The following LRFN2 variants were observed in gnomAD, a reference collection of about 807,000 sequenced individuals.
LRFN2 encodes the protein leucine rich repeat and fibronectin type III domain containing 2, also known as leucine-rich repeat and fibronectin type-III domain-containing protein 2.
Under a neutral mutation model 37.3 loss-of-function variants are expected in LRFN2, and 18 were observed. The ratio of observed to expected loss-of-function variants is 0.48; its 90% CI spans 0.33 to 0.72. LRFN2 has a LOEUF of 0.72. Among genes scored for constraint, LRFN2 ranks in the 30% least tolerant of loss-of-function variants. The pLI is 0.02. For missense variants in LRFN2, 1,006 were observed against 1,060.7 expected (o/e 0.95, Z 0.72); for synonymous variants, 556 against 466.6 (o/e 1.19, Z -2.47).
In LRFN2 at chr6:40,448,312, A is replaced by G. The variant is rs1253115893; in HGVS notation, c.-18-15181T>C. 2.0e-5 allele frequency among the ~76,000 whole-genome samples: 3 copies of G among 152,078 alleles called. No homozygotes were observed. In the East Asian group the frequency reaches 5.8e-4, roughly 29 times the overall value. ...CCTGGGTTTGGTGCACCCATCAAGC[A>G]CGTGCTCCCCTCCAGACCCCACCTC... On this transcript the variant is annotated intron_variant, in intron 1 of 2. Transcript: ENST00000338305.
At chr6:40,405,536 TG>T (rs1473898287) in intron 2 of LRFN2, among the ~76,000 whole-genome samples, 11 of 152,066 alleles carry the variant, frequency 7.2e-5, no homozygotes, top group African/African-American at 2.7e-4. Flanking sequence ...CATAAAGGAG[TG>T]GGCCATGCTT....
intron 1 of LRFN2, among the ~76,000 whole-genome samples, chr6:40,470,803 C>T (rs930313992): frequency 3.3e-5 from 5 of 152,184 alleles, no homozygotes; most frequent in African/African-American, 1.2e-4. Context: ...AACACAGGCA[C>T]CTGCTGGGCC....
chr6:40,571,970 G>A (rs1572889), intron 1 of LRFN2, among the ~76,000 whole-genome samples: 82,263 of 151,922 alleles, frequency 0.54, 23,192 homozygotes, highest in African/African-American at 0.69. Context: ...CAGAGCACAG[G>A]GTCTCCAAAA....
chr6:40,572,962 C>T (rs1300951773), intron 1 of LRFN2, among the ~76,000 whole-genome samples: 2 of 152,226 alleles, frequency 1.3e-5, no homozygotes, highest in Non-Finnish European at 1.5e-5. Flanking sequence ...CCATGTCCTG[C>T]CAAACCTGCT....
At chr6:40,523,718 C>T (rs1265172661) in intron 1 of LRFN2, 1 of 152,126 alleles carries the variant, frequency 6.6e-6, no homozygotes, top group Non-Finnish European at 1.5e-5. Flanking sequence ...ACACATGAAG[C>T]TTGCTATGAA....
At chr6:40,549,348 C>T (rs898340908) in intron 1 of LRFN2, among the ~76,000 whole-genome samples, 1 of 152,122 alleles carries the variant, frequency 6.6e-6, no homozygotes, top group Non-Finnish European at 1.5e-5. Flanking sequence ...CATGCAGTGA[C>T]AAGGAGGGTG....
At chr6:40,571,011 C>T (rs1767176921) in intron 1 of LRFN2, among the ~76,000 whole-genome samples, 1 of 152,170 alleles carries the variant, frequency 6.6e-6, no homozygotes, top group African/African-American at 2.4e-5. Flanking sequence ...CTTAATGGGG[C>T]CATTCAAGAG....
intron 2 of LRFN2, among the ~76,000 whole-genome samples, chr6:40,395,470 C>T (rs1341125343): frequency 6.6e-6 from 1 of 152,214 alleles, no homozygotes; most frequent in African/African-American, 2.4e-5. Context: ...AGGATGCCAG[C>T]CTGCTAGGCC....
chr6:40,468,041 A>T (rs1179471292), intron 1 of LRFN2, among the ~76,000 whole-genome samples: 1 of 151,988 alleles, frequency 6.6e-6, no homozygotes, highest in Non-Finnish European at 1.5e-5. Context: ...TAAGTGGATG[A>T]ACAGGCCCTA....
chr6:40,454,312 T>C (rs1258129830), intron 1 of LRFN2, among the ~76,000 whole-genome samples: 1 of 152,116 alleles, frequency 6.6e-6, no homozygotes, highest in Non-Finnish European at 1.5e-5. Context: ...TTTGGAAATA[T>C]CTATAGAAAT....
chr6:40,505,511 T>A (rs1257057855), intron 1 of LRFN2, among the ~76,000 whole-genome samples: 2 of 152,200 alleles, frequency 1.3e-5, no homozygotes, highest in Non-Finnish European at 2.9e-5. Flanking sequence ...CAGCTACAGC[T>A]GGAGAGAATT....
At chr6:40,535,016 T>C (rs768683902) in intron 1 of LRFN2, among the ~76,000 whole-genome samples, 3 of 152,218 alleles carry the variant, frequency 2.0e-5, no homozygotes, top group Non-Finnish European at 4.4e-5. Flanking sequence ...GAGATCTTTC[T>C]GACTACAAAG....
intron 1 of LRFN2, among the ~76,000 whole-genome samples, chr6:40,532,337 A>G (rs2113909972): frequency 6.6e-6 from 1 of 152,382 alleles, no homozygotes; most frequent in Middle Eastern, 3.4e-3. Flanking sequence ...TCACCCATAT[A>G]GTAATCACAT....
chr6:40,471,300 G>A (rs1414038717), intron 1 of LRFN2, among the ~76,000 whole-genome samples: 1 of 152,178 alleles, frequency 6.6e-6, no homozygotes, highest in Admixed American at 6.5e-5. Context: ...CAAACCATGG[G>A]AAGATGGATG....
intron 1 of LRFN2, among the ~76,000 whole-genome samples, chr6:40,495,698 C>A (rs1433451421): frequency 6.6e-6 from 1 of 152,168 alleles, no homozygotes; most frequent in Non-Finnish European, 1.5e-5. Flanking sequence ...CCCCCAAAAG[C>A]ATGGGTTGTT....
chr6:40,559,421 T>A (rs34957412), intron 1 of LRFN2, among the ~76,000 whole-genome samples: 72,158 of 151,986 alleles, frequency 0.47, 18,168 homozygotes, highest in African/African-American at 0.64. Context: ...GGTGGATGGG[T>A]CACCCCCACA....
chr6:40,438,633 CAG>C (rs1216265231), intron 1 of LRFN2, among the ~76,000 whole-genome samples: 3 of 152,180 alleles, frequency 2.0e-5, no homozygotes, highest in African/African-American at 7.2e-5. Flanking sequence ...GCCTGGCGTA[CAG>C]AGAGACTGGC....
intron 2 of LRFN2, among the ~76,000 whole-genome samples, chr6:40,429,358 C>A (rs985784263): frequency 6.6e-6 from 1 of 152,220 alleles, no homozygotes; most frequent in African/African-American, 2.4e-5. Context: ...CTTCTCTCCC[C>A]CTCACGAACT....
Position 40,392,376 on chromosome 6 carries a change from G to C in LRFN2, c.1937C>G (p.Ala646Gly). 3 of 1,593,914 alleles carry C rather than the reference G, an allele frequency of 1.9e-6. No homozygotes were observed. The highest frequency in any genetic ancestry group is 2.6e-6 in the Non-Finnish European group (3 of 1,170,588). The part of the protein sequence containing the change: ...GRAPWRIPPS[A>G]PRPKPSLDRL... ...GTCAAGGCTGGGCTTGGGGCGCGGG[G>C]CGGAGGGTGGGATCCTCCAGGGGGC... The change falls in exon 3 of 3, where the codon GCC (alanine) becomes GGC (glycine). Residue 646 changes from alanine to glycine, a missense_variant. By Grantham distance (60) the Ala-to-Gly change is moderately conservative. Transcript: ENST00000338305. This position sits in a 1 kb window ranked among gnomAD's most constrained non-coding sequence, Gnocchi z 4.7.
Sources: gnomAD v4.1 joint callset for allele counts (sites outside exome capture counted in the v4.1 genomes callset) on GRCh38, gnomAD v4.1.1 for gene constraint, Gnocchi (gnomAD v3.1) non-coding constraint, MANE v1.5 for transcripts, NCBI Gene and HGNC (gene_info 2026-07-23, HGNC 2026-07-21) for gene names.